The following BTRC variants were observed in gnomAD, a reference collection of about 807,000 sequenced individuals.
BTRC encodes F-box/WD repeat-containing protein 1A.
BTRC carries 42 observed loss-of-function variants against 85.5 expected under a neutral mutation model. That is an observed-to-expected ratio of 0.49 (90% CI 0.38 to 0.64). The LOEUF (loss-of-function observed/expected upper bound fraction) is 0.64, where lower values mean the gene tolerates loss of function less well. BTRC is among the 30% of genes least tolerant of loss of function. The probability of loss-of-function intolerance (pLI) is 0.00; values close to 1 mark genes in which losing one functional copy is unlikely to be tolerated. For synonymous variants in BTRC, 255 were observed against 263.3 expected, an observed-to-expected ratio of 0.97 and a Z score of 0.30; for missense variants, 594 against 743.5, an observed-to-expected ratio of 0.80 and a Z score of 2.34.
At chr10:101,515,869 T>C (rs1332831754) in intron 4 of BTRC, among the ~76,000 whole-genome samples, 5 of 152,188 alleles carry the variant, frequency 3.3e-5, no homozygotes, top group Non-Finnish European at 7.4e-5. Flanking sequence ...ACAAATTGTA[T>C]AGGTGGATGG....
At position 101,372,631 on chromosome 10, in the gene BTRC, G is replaced by A. The variant is rs988146481; in HGVS notation, c.48+18403G>A. Among the ~76,000 whole-genome samples, 4 of 149,870 alleles carry A rather than the reference G, an allele frequency of 2.7e-5. No individual in the cohort carries two copies. The South Asian group carries it at 8.5e-4, about 32-fold the overall frequency. Reference sequence around the variant, plus strand: ...TGTAATCCCAGCACTTTGGGAGGCCGAGGCGGGCGGATCACCTGAGGTCAG... The same window carrying A: ...TGTAATCCCAGCACTTTGGGAGGCCAAGGCGGGCGGATCACCTGAGGTCAG... On this transcript the variant is annotated intron_variant, in intron 1 of 14. Transcript: ENST00000370187.
At chr10:101,504,480 C>T (rs1282405730) in intron 4 of BTRC, among the ~76,000 whole-genome samples, 1 of 152,004 alleles carries the variant, frequency 6.6e-6, no homozygotes, top group African/African-American at 2.4e-5. Context: ...CTCCCCATCC[C>T]TATCTTTCCC....
At chr10:101,417,357 G>A (rs890362080) in intron 1 of BTRC, among the ~76,000 whole-genome samples, 22 of 152,222 alleles carry the variant, frequency 1.4e-4, no homozygotes, top group African/African-American at 3.4e-4. Flanking sequence ...AGGATTACAC[G>A]CCAGTATCTT....
intron 2 of BTRC, among the ~76,000 whole-genome samples, chr10:101,461,644 G>A (rs1207840673): frequency 6.6e-6 from 1 of 152,154 alleles, no homozygotes; most frequent in Non-Finnish European, 1.5e-5. Flanking sequence ...CATGGTTTTA[G>A]TTGTCATCAG....
At chr10:101,493,988 A>C (rs892298832) in intron 4 of BTRC, among the ~76,000 whole-genome samples, 5 of 152,208 alleles carry the variant, frequency 3.3e-5, no homozygotes, top group Non-Finnish European at 5.9e-5. Flanking sequence ...GTCTTGTTCT[A>C]GTTCATGATG....
chr10:101,488,725 C>G (rs753635445), intron 4 of BTRC, among the ~76,000 whole-genome samples: 2 of 152,008 alleles, frequency 1.3e-5, no homozygotes, highest in African/African-American at 2.4e-5. Flanking sequence ...CAAATATCTT[C>G]TAAAGATACA....
intron 1 of BTRC, among the ~76,000 whole-genome samples, chr10:101,384,418 CTTATG>C (rs1365092974): frequency 4.6e-5 from 7 of 152,176 alleles, no homozygotes; most frequent in Admixed American, 3.3e-4. Context: ...CAGGTAGATA[CTTATG>C]TTATGTAGCT....
At chr10:101,457,542 G>C (rs576579138) in intron 2 of BTRC, among the ~76,000 whole-genome samples, 1 of 152,152 alleles carries the variant, frequency 6.6e-6, no homozygotes, top group Non-Finnish European at 1.5e-5. Flanking sequence ...CTGAAATTGC[G>C]TGAGTGAAAC....
At chr10:101,483,961 G>C (rs934184156) in intron 4 of BTRC, among the ~76,000 whole-genome samples, 8 of 151,932 alleles carry the variant, frequency 5.3e-5, no homozygotes, top group Non-Finnish European at 1.2e-4. Context: ...TTTGGTCTTA[G>C]GTTTTTTTCC....
chr10:101,504,592 A>G (rs958453232), intron 4 of BTRC, among the ~76,000 whole-genome samples: 5 of 149,888 alleles, frequency 3.3e-5, no homozygotes, highest in Non-Finnish European at 5.9e-5. Context: ...CACTTTTGTC[A>G]TTCCTCTTCC....
intron 1 of BTRC, among the ~76,000 whole-genome samples, chr10:101,380,006 G>C (rs189464391): frequency 7.9e-4 from 120 of 152,252 alleles, no homozygotes; most frequent in Admixed American, 2.5e-3. Flanking sequence ...GAATGGACTA[G>C]TTATAACTTC....
rs1412975765 is a variant in BTRC, at chr10:101,462,054, G to A, written c.230G>A (p.Arg77Lys). ...ATAATACCAGAGAAGAATTCACTTAGACAGGTATGAAATTCAGCCTTACTT... is the reference window on the plus strand; with the variant it reads ...ATAATACCAGAGAAGAATTCACTTAAACAGGTATGAAATTCAGCCTTACTT... ...RKIIPEKNSL[R>K]QTYNSCARLC... The change falls in exon 3 of 15, where the codon AGA becomes AAA. Residue 77 changes from arginine (R) to lysine (K), a missense_variant. Physicochemically the swap from Arg to Lys is conservative, Grantham distance 26. This residue lies in a region of BTRC where 163 missense variants were observed against 180.5 expected (regional missense o/e 0.90). Coordinates refer to ENST00000370187, the MANE Select transcript of BTRC (RefSeq NM_033637.4). 2 of 1,607,854 alleles carry A rather than the reference G, an allele frequency of 1.2e-6. No individual in the cohort carries two copies. Among genetic ancestry groups the A allele is most frequent in the East Asian group, 2.2e-5 (1 of 44,758 alleles).
At position 101,465,203 on chromosome 10, in the gene BTRC, T is replaced by G. The variant is rs151148262; in HGVS notation, c.234+3145T>G. 2.1e-3 allele frequency among the ~76,000 whole-genome samples: 327 copies of G among 152,368 alleles called. 2 individuals are homozygous for G. The highest frequency in any genetic ancestry group is 7.7e-3 in the African/African-American group (319 of 41,588). On this transcript the variant is annotated intron_variant, in intron 3 of 14. Transcript: ENST00000370187. ...TATTGATACAAGTAGGATTTGCATCTCATTAACTTGAGATTCTTTTGCAGA... is the reference window on the plus strand; with the variant it reads ...TATTGATACAAGTAGGATTTGCATCGCATTAACTTGAGATTCTTTTGCAGA...
intron 2 of BTRC, among the ~76,000 whole-genome samples, chr10:101,439,481 T>C (rs180823158): frequency 6.6e-6 from 1 of 152,324 alleles, no homozygotes; most frequent in Admixed American, 6.5e-5. Flanking sequence ...AAGAAAAGAT[T>C]TAAAGTTGCA....
At chr10:101,526,770 CAAA>C (rs767196374) in intron 6 of BTRC, among the ~76,000 whole-genome samples, 26 of 152,114 alleles carry the variant, frequency 1.7e-4, no homozygotes, top group Non-Finnish European at 2.9e-4. Flanking sequence ...CCTTTGTAAT[CAAA>C]AATTATTTTT....
intron 4 of BTRC, among the ~76,000 whole-genome samples, chr10:101,509,895 C>T (rs1355472579): frequency 6.6e-6 from 1 of 151,524 alleles, no homozygotes; most frequent in Non-Finnish European, 1.5e-5. Context: ...TGGCCGGGTG[C>T]GATGGCTCAT....
intron 4 of BTRC, among the ~76,000 whole-genome samples, chr10:101,491,761 A>G (rs1946139842): frequency 6.6e-6 from 1 of 152,020 alleles, no homozygotes; most frequent in South Asian, 2.1e-4. Context: ...ATATTTTTAT[A>G]TTTTGATTCA....
intron 1 of BTRC, among the ~76,000 whole-genome samples, chr10:101,411,666 A>G (rs1350875761): frequency 2.0e-5 from 3 of 150,794 alleles, no homozygotes; most frequent in Admixed American, 6.6e-5. Flanking sequence ...CACTATGTTC[A>G]TGTTATTATA....
At chr10:101,497,503 C>T (rs2134279165) in intron 4 of BTRC, among the ~76,000 whole-genome samples, 1 of 152,170 alleles carries the variant, frequency 6.6e-6, no homozygotes, top group Admixed American at 6.5e-5. Flanking sequence ...TTGAGACCAG[C>T]CTGGTCAACA....
Sources: gnomAD v4.1 joint callset for allele counts (sites outside exome capture counted in the v4.1 genomes callset) on GRCh38, gnomAD v4.1.1 for gene constraint, gnomAD v4.1.1 regional missense constraint, MANE v1.5 for transcripts, NCBI Gene and HGNC (gene_info 2026-07-23, HGNC 2026-07-21) for gene names.